Variants in DIS3L2 observed in about 807,000 individuals in gnomAD.
DIS3L2 encodes the protein DIS3-like exonuclease 2.
DIS3L2 carries 34 observed loss-of-function variants against 97.5 expected under a neutral mutation model. That is an observed-to-expected ratio of 0.35 (90% CI 0.27 to 0.46). The LOEUF is 0.46. DIS3L2 is among the 20% of genes least tolerant of loss of function. The pLI, the probability that DIS3L2 is intolerant of heterozygous loss-of-function variation, is 1.00. For missense variants in DIS3L2, 1,038 were observed against 1,146.0 expected, an observed-to-expected ratio of 0.91 and a Z score of 1.36; for synonymous variants, 435 against 445.2, an observed-to-expected ratio of 0.98 and a Z score of 0.29.
chr2:232,088,273 G>A (rs1178817692), intron 6 of DIS3L2, among the ~76,000 whole-genome samples: 3 of 129,926 alleles, frequency 2.3e-5, no homozygotes, highest in Non-Finnish European at 5.0e-5. Context: ...TGGGCCGGGC[G>A]CGGTGGCTCA....
chr2:232,333,727 A>G, intron 16 of DIS3L2, 113 bp from the exon 17 acceptor site: 1 of 1,430,758 alleles, frequency 7.0e-7, no homozygotes, highest in Non-Finnish European at 9.3e-7. Flanking sequence ...CCAGCAGCCC[A>G]TTAGGTCTGT....
intron 6 of DIS3L2, among the ~76,000 whole-genome samples, chr2:232,094,229 G>A (rs1696931799): frequency 6.6e-6 from 1 of 152,090 alleles, no homozygotes; most frequent in Non-Finnish European, 1.5e-5. Context: ...CTTGTTTTGT[G>A]ATCTAACATA....
intron 9 of DIS3L2, among the ~76,000 whole-genome samples, chr2:232,191,571 A>C (rs950496595): frequency 6.6e-6 from 1 of 152,242 alleles, no homozygotes; most frequent in African/African-American, 2.4e-5. Flanking sequence ...ATGGATTTGT[A>C]ACTTTGAGGA....
At chr2:232,330,668 G>T in intron 15 of DIS3L2, 22 bp from the exon 16 acceptor site, 1 of 1,613,698 alleles carries the variant, frequency 6.2e-7, no homozygotes. Flanking sequence ...ACGTCACATA[G>T]GTTTCTGGGA....
chr2:232,149,001 A>G (rs1690311463), intron 8 of DIS3L2, among the ~76,000 whole-genome samples: 1 of 148,606 alleles, frequency 6.7e-6, no homozygotes, highest in African/African-American at 2.5e-5. Context: ...CCAGAAAAAG[A>G]GTTCTATAAA....
chr2:231,983,838 G>A (rs764444427), intron 1 of DIS3L2, among the ~76,000 whole-genome samples: 40 of 150,622 alleles, frequency 2.7e-4, no homozygotes, highest in South Asian at 1.9e-3. Context: ...GCAGTGAGCC[G>A]AGATCACGCC....
chr2:232,314,969 T>C (rs1355748283), intron 14 of DIS3L2, among the ~76,000 whole-genome samples: 1 of 152,248 alleles, frequency 6.6e-6, no homozygotes, highest in Non-Finnish European at 1.5e-5. Context: ...TTTCTCTCTC[T>C]GCCTCTCTGG....
chr2:232,100,802 A>G (rs1002799689), intron 6 of DIS3L2, among the ~76,000 whole-genome samples: 1 of 72,822 alleles, frequency 1.4e-5, no homozygotes, highest in Non-Finnish European at 2.8e-5. Flanking sequence ...CTTTGAAAGA[A>G]AGGTGTGTGT....
intron 1 of DIS3L2, among the ~76,000 whole-genome samples, chr2:232,006,345 A>C (rs1694052882): frequency 6.6e-6 from 1 of 152,254 alleles, no homozygotes; most frequent in Non-Finnish European, 1.5e-5. Flanking sequence ...ACCTGAATTC[A>C]GACAGTGCTA....
Position 231,986,082 on chromosome 2 carries a change from C to T in DIS3L2, c.-94+24317C>T, listed in dbSNP as rs1056223618. 2.6e-5 allele frequency among the ~76,000 whole-genome samples: 4 copies of T among 152,212 alleles called. No homozygotes were observed. The East Asian group carries it at 5.8e-4, about 22-fold the overall frequency. ...GGACATCAGACTCTGGGTTCTTCCGCCTTTGCACTCTTGTACTTACACCAG... is the reference window on the plus strand; with the variant it reads ...GGACATCAGACTCTGGGTTCTTCCGTCTTTGCACTCTTGTACTTACACCAG... On this transcript the variant is annotated intron_variant, in intron 1 of 20. Coordinates refer to ENST00000325385, the MANE Select transcript of DIS3L2 (RefSeq NM_152383.5).
At position 232,142,508 on chromosome 2, in the gene DIS3L2, C is replaced by A. The variant is rs965556929; in HGVS notation, c.950+5789C>A. ...TAGAGGACCTTAGATAACCATCAAC[C>A]TCCTCTTATACTCATTAAATCCTTT... On this transcript the variant is annotated intron_variant, in intron 8 of 20. Transcript: ENST00000325385. Among the ~76,000 whole-genome samples, 5 of 152,072 alleles carry A rather than the reference C, an allele frequency of 3.3e-5. No individual in the cohort carries two copies. In the South Asian group the frequency reaches 1.0e-3, roughly 31 times the overall value.
chr2:231,968,375 G>A (rs1486447222), intron 1 of DIS3L2, among the ~76,000 whole-genome samples: 5 of 152,206 alleles, frequency 3.3e-5, no homozygotes, highest in Admixed American at 2.0e-4. Flanking sequence ...GATTACAGGC[G>A]TGAGCCACTG....
At chr2:232,249,141 C>T in intron 11 of DIS3L2, 98 bp from the exon 12 acceptor site, 2 of 1,142,870 alleles carry the variant, frequency 1.7e-6, no homozygotes, top group Non-Finnish European at 2.6e-6. Context: ...CTTCAGCTTG[C>T]TCTGGAAAAG....
intron 6 of DIS3L2, among the ~76,000 whole-genome samples, chr2:232,116,823 C>A (rs1574887749): frequency 1.1e-5 from 1 of 88,138 alleles, no homozygotes; most frequent in East Asian, 2.8e-4. Context: ...AAACAAAAAA[C>A]AAACAAAAAG....
intron 8 of DIS3L2, among the ~76,000 whole-genome samples, chr2:232,156,093 C>CTGAA (rs1690487152): frequency 6.6e-6 from 1 of 152,020 alleles, no homozygotes; most frequent in South Asian, 2.1e-4. Flanking sequence ...CTTGGTCTGC[C>CTGAA]TTTCACATCT....
At chr2:232,190,637 A>G (rs531764213) in intron 9 of DIS3L2, among the ~76,000 whole-genome samples, 101 of 152,108 alleles carry the variant, frequency 6.6e-4, no homozygotes, top group Non-Finnish European at 9.7e-4. Context: ...AGAAAGAGAA[A>G]GAAAGAGAGA....
At chr2:232,007,559 G>C (rs535151038) in intron 1 of DIS3L2, among the ~76,000 whole-genome samples, 39 of 152,158 alleles carry the variant, frequency 2.6e-4, no homozygotes, top group Admixed American at 8.5e-4. Context: ...CTGGTCTTGT[G>C]AACTCCTGGC....
chr2:232,061,475 A>G (rs953138159), intron 5 of DIS3L2, among the ~76,000 whole-genome samples: 1 of 152,320 alleles, frequency 6.6e-6, no homozygotes, highest in African/African-American at 2.4e-5. Flanking sequence ...CACAATGAAG[A>G]TAAGCTCCCT....
chr2:232,279,088 C>T (rs1694218064), intron 13 of DIS3L2, among the ~76,000 whole-genome samples: 2 of 152,160 alleles, frequency 1.3e-5, no homozygotes, highest in East Asian at 3.9e-4. Context: ...TAGGCATGTG[C>T]CACCACGCCC....
Sources: gnomAD v4.1 joint callset for allele counts (sites outside exome capture counted in the v4.1 genomes callset) on GRCh38, gnomAD v4.1.1 for gene constraint, MANE v1.5 for transcripts, NCBI Gene and HGNC (gene_info 2026-07-23, HGNC 2026-07-21) for gene names.